VTI1B: variants seen among roughly 807,000 people sequenced by gnomAD.
VTI1B encodes vesicle transport through interaction with t-SNAREs 1B, also known as vesicle transport through interaction with t-SNAREs homolog 1B.
VTI1B carries 18 observed loss-of-function variants against 28.6 expected under a neutral mutation model. The observed-to-expected ratio is 0.63, with a 90% CI of 0.43 to 0.93. The LOEUF (loss-of-function observed/expected upper bound fraction) is 0.93. Among genes scored for constraint, VTI1B ranks in the 40% least tolerant of loss-of-function variants. The pLI is 0.00. For missense variants in VTI1B, 283 were observed against 297.0 expected (o/e 0.95, Z 0.35); for synonymous variants, 100 against 107.9 (o/e 0.93, Z 0.46).
At position 67,673,118 on chromosome 14, in the gene VTI1B, G is replaced by A. The variant is rs569059555; in HGVS notation, c.115+1257C>T. ...TTAAAACTGAAGTCCCAAAGAAGGC[G>A]GATCACTTGAGGTCAGGAGTTAGAG... On this transcript the variant is annotated intron_variant, in intron 1 of 5. Coordinates refer to ENST00000554659, the MANE Select transcript of VTI1B (RefSeq NM_006370.3). Among the ~76,000 whole-genome samples, 3 of 152,260 alleles carry A rather than the reference G, an allele frequency of 2.0e-5. No individual in the cohort carries two copies. In the South Asian group the frequency reaches 6.2e-4, roughly 32 times the overall value.
chr14:67,671,817 A>G (rs2037468320), intron 1 of VTI1B, among the ~76,000 whole-genome samples: 1 of 152,206 alleles, frequency 6.6e-6, no homozygotes, highest in Non-Finnish European at 1.5e-5. Flanking sequence ...ACAGATCAAG[A>G]GAGCAGGCAA....
At position 67,651,457 on chromosome 14, in the gene VTI1B, A is replaced by AAGC; in HGVS notation, c.624_626dup (p.Leu209dup). The AAGC allele has an allele frequency of 6.2e-7, 1 of 1,613,918 alleles. No homozygotes were observed. The highest frequency in any genetic ancestry group is 1.7e-5 in the Admixed American group (1 of 60,018). ...CGAGCTCCAGTAAGATGATAATGGA[A>AAGC]AGCAGCAGCTTGTTGGTTGTCACTC... On this transcript the variant is annotated inframe_insertion, in exon 6 of 6. Transcript: ENST00000554659.
Position 67,651,060 on chromosome 14 carries a change from T to TC in VTI1B, c.*324dup, listed in dbSNP as rs1424692921. 24 of 1,086,500 alleles carry TC rather than the reference T, an allele frequency of 2.2e-5. No homozygotes were observed. In the African/African-American group the frequency reaches 3.8e-4, roughly 17 times the overall value. 67.3% of individuals were successfully genotyped at this position (1,086,500 alleles called of 1,614,324 possible). A position where few individuals can be genotyped will look rare whatever the true frequency, so the allele number is the denominator to read the frequency against. The stretch of plus-strand genomic sequence containing the variant: ...TACACATTCTCACAATTGTAAAGTT[T>TC]CCCCTCTATTTTGGTGACCAATACT... On this transcript the variant is annotated 3_prime_UTR_variant, in exon 6 of 6. Coordinates refer to ENST00000554659, the MANE Select transcript of VTI1B (RefSeq NM_006370.3).
At chr14:67,673,074 A>G (rs1188871914) in intron 1 of VTI1B, among the ~76,000 whole-genome samples, 1 of 152,170 alleles carries the variant, frequency 6.6e-6, no homozygotes, top group East Asian at 1.9e-4. Flanking sequence ...CTCAGAGAGG[A>G]CTTTCACAAC....
intron 3 of VTI1B, 41 bp downstream of exon 3, chr14:67,659,690 C>T: frequency 6.4e-7 from 1 of 1,553,704 alleles, no homozygotes; most frequent in Non-Finnish European, 8.7e-7. Context: ...ACCACAGGCC[C>T]TTAAAGGAAA....
Position 67,651,455 on chromosome 14 carries a change from G to C in VTI1B, c.629C>G (p.Ser210Cys). 2 of 1,613,952 alleles carry C rather than the reference G, an allele frequency of 1.2e-6. No homozygotes were observed. Among genetic ancestry groups the C allele is most frequent in the Non-Finnish European group, 1.7e-6 (2 of 1,179,820 alleles). ...RKVTTNKLLL[S>C]IIILLELAIL... ...GGCGAGCTCCAGTAAGATGATAATG[G>C]AAAGCAGCAGCTTGTTGGTTGTCAC... The change falls in exon 6 of 6, where the codon TCC (serine) becomes TGC (cysteine). Residue 210 changes from serine to cysteine, a missense_variant. Transcript: ENST00000554659.
intron 2 of VTI1B, among the ~76,000 whole-genome samples, chr14:67,661,363 G>T (rs1046807381): frequency 6.7e-6 from 1 of 149,002 alleles, no homozygotes; most frequent in East Asian, 2.0e-4. Flanking sequence ...TTCAGTAAAC[G>T]GAACCAACTT....
chr14:67,656,799 C>G (rs1277377497), intron 3 of VTI1B, among the ~76,000 whole-genome samples: 1 of 152,152 alleles, frequency 6.6e-6, no homozygotes, highest in Admixed American at 6.5e-5. Flanking sequence ...ACAATACCCC[C>G]ACTCCACTGC....
At position 67,651,481 on chromosome 14, in the gene VTI1B, T is replaced by A; in HGVS notation, c.603A>T (p.Lys201Asn). 3 of 1,613,586 alleles carry A rather than the reference T, an allele frequency of 1.9e-6. No homozygotes were observed. The highest frequency in any genetic ancestry group is 2.5e-6 in the Non-Finnish European group (3 of 1,179,598). ...SRKILRSMSR[K>N]VTTNKLLLSI... Reference sequence around the variant, plus strand: ...AAAGCAGCAGCTTGTTGGTTGTCACTCTACAAAGAGAAGCAAAGTGGGGAG... The same window carrying A: ...AAAGCAGCAGCTTGTTGGTTGTCACACTACAAAGAGAAGCAAAGTGGGGAG... Residue 201 changes from lysine (K) to asparagine (N), a missense_variant and splice_region_variant, in exon 6 of 6, where the codon AAA (lysine) becomes AAT (asparagine). Physicochemically the swap from Lys to Asn is moderately conservative, Grantham distance 94 (BLOSUM62 0). Transcript: ENST00000554659.
chr14:67,653,951 T>C (rs918975321), intron 4 of VTI1B, among the ~76,000 whole-genome samples: 12 of 152,194 alleles, frequency 7.9e-5, no homozygotes, highest in African/African-American at 2.9e-4. Context: ...TAAGAGACAG[T>C]TACATTGAAC....
At chr14:67,663,072 T>C in intron 1 of VTI1B, 1 of 1,471,812 alleles carries the variant, frequency 6.8e-7, no homozygotes, top group Non-Finnish European at 8.9e-7. Flanking sequence ...TGTTTTTCTC[T>C]GGGTGTGGCA....
At chr14:67,674,274 G>T in intron 1 of VTI1B, 101 bp downstream of exon 1, 1 of 1,122,562 alleles carries the variant, frequency 8.9e-7, no homozygotes, top group Non-Finnish European at 1.2e-6. Context: ...AGGACGCGGA[G>T]GGAGGAGACG....
rs563732811 is a variant in VTI1B at position 67,657,622 on chromosome 14, A to C, written c.367-1033T>G. Reference sequence around the variant, plus strand: ...TGCACACACACACACACACACACACACCCAAAATCAAAAGGGACCCAGCTC... The same window carrying C: ...TGCACACACACACACACACACACACCCCCAAAATCAAAAGGGACCCAGCTC... On this transcript the variant is annotated intron_variant, in intron 3 of 5. Coordinates refer to ENST00000554659, the MANE Select transcript of VTI1B (RefSeq NM_006370.3). Among the ~76,000 whole-genome samples, 63 of 136,678 alleles carry C rather than the reference A, an allele frequency of 4.6e-4. No homozygotes were observed. In the East Asian group the frequency reaches 7.6e-3, roughly 17 times the overall value. 89.7% of individuals were successfully genotyped at this position (136,678 alleles called of 152,430 possible). A position where few individuals can be genotyped will look rare whatever the true frequency, so the allele number is the denominator to read the frequency against.
intron 5 of VTI1B, among the ~76,000 whole-genome samples, chr14:67,652,795 A>G (rs910421302): frequency 6.6e-6 from 1 of 152,140 alleles, no homozygotes; most frequent in Non-Finnish European, 1.5e-5. Context: ...TTTTACAAAT[A>G]TATTTCTTTT....
At chr14:67,656,030 GA>G (rs1293881681) in intron 4 of VTI1B, among the ~76,000 whole-genome samples, 1 of 152,162 alleles carries the variant, frequency 6.6e-6, no homozygotes, top group East Asian at 1.9e-4. Flanking sequence ...TGGATCACCT[GA>G]AGTTAGGAGT....
At position 67,648,488 on chromosome 14, in the gene VTI1B, TTAAGA is replaced by T. The variant is rs1594831057; in HGVS notation, c.*2892_*2896del. On this transcript the variant is annotated 3_prime_UTR_variant, in exon 6 of 6. Coordinates refer to ENST00000554659, the MANE Select transcript of VTI1B (RefSeq NM_006370.3). ...GTTCTTTGAGTTATCTAAAGGCAGA[TTAAGA>T]TAAGAAGGCAAGATAAGATAAGAGT... 4.7e-6 allele frequency: 1 copy of T among 210,802 alleles called. No homozygotes were observed. Among genetic ancestry groups the T allele is most frequent in the Non-Finnish European group, 9.4e-6 (1 of 106,642 alleles). The allele number at this position is 210,802 out of a possible 1,614,324, so 13.1% of individuals were successfully genotyped here.
chr14:67,651,565 G>A (rs1031982219), intron 5 of VTI1B, 84 bp from the exon 6 acceptor site: 10 of 1,462,906 alleles, frequency 6.8e-6, no homozygotes, highest in Admixed American at 4.1e-5. Context: ...CTGGGACCAC[G>A]GCTGGATACT....
chr14:67,660,556 G>A (rs2037322104), intron 2 of VTI1B, among the ~76,000 whole-genome samples: 2 of 152,148 alleles, frequency 1.3e-5, no homozygotes, highest in African/African-American at 4.8e-5. Context: ...AAAAATGATA[G>A]GGGTCTGGCA....
chr14:67,650,648 G>C lies in VTI1B; in HGVS notation c.*737C>G. The C allele has an allele frequency of 6.8e-7, 1 of 1,463,698 alleles. No individual in the cohort carries two copies. Among genetic ancestry groups the C allele is most frequent in the Non-Finnish European group, 9.6e-7 (1 of 1,045,534 alleles). 90.7% of individuals were successfully genotyped at this position (1,463,698 alleles called of 1,614,324 possible). On this transcript the variant is annotated 3_prime_UTR_variant, in exon 6 of 6. Coordinates refer to ENST00000554659, the MANE Select transcript of VTI1B (RefSeq NM_006370.3). ...ACTTTGGCTTGTTCTCCCTGTCCCA[G>C]TGGGATGACCCTCACTGAGAGTAGC...
Sources: allele counts gnomAD v4.1 joint callset (sites outside exome capture counted in the v4.1 genomes callset), GRCh38; gene constraint gnomAD v4.1.1; transcripts MANE v1.5; gene names NCBI Gene and HGNC (gene_info 2026-07-23, HGNC 2026-07-21).